Variants in SGF29 observed in about 807,000 individuals in gnomAD.
SGF29 encodes SAGA complex associated factor 29.
SGF29 carries 15 observed loss-of-function variants against 38.1 expected under a neutral mutation model. The ratio of observed to expected loss-of-function variants is 0.39; its 90% confidence interval spans 0.26 to 0.61. The LOEUF (loss-of-function observed/expected upper bound fraction) is 0.61. SGF29 is among the 20% of genes least tolerant of loss of function. The probability of loss-of-function intolerance (pLI) is 0.49; values close to 1 mark genes in which losing one functional copy is unlikely to be tolerated. For missense variants in SGF29, 184 were observed against 394.6 expected (o/e 0.47, Z 4.52); for synonymous variants, 151 against 160.8 (o/e 0.94, Z 0.46).
chr16:28,554,233 AG>A (rs902412744), intron 1 of SGF29, 136 bp downstream of exon 1: 67 of 17,104 alleles, frequency 3.9e-3, no homozygotes, highest in Middle Eastern at 0.033. Flanking sequence ...TCTGGGCGGG[AG>A]GGGGGCGGGG....
chr16:28,587,106 A>T (rs1324758806), intron 4 of SGF29, among the ~76,000 whole-genome samples: 5 of 152,200 alleles, frequency 3.3e-5, no homozygotes, highest in Non-Finnish European at 7.3e-5. Flanking sequence ...TTGGCCTCCC[A>T]AAGTGCTGGG....
At chr16:28,562,466 G>A (rs2046795834) in intron 1 of SGF29, among the ~76,000 whole-genome samples, 1 of 152,056 alleles carries the variant, frequency 6.6e-6, no homozygotes, top group South Asian at 2.1e-4. Flanking sequence ...TCATTTCTTT[G>A]TGGGAAATTA....
At chr16:28,584,621 C>T (rs539538563) in intron 2 of SGF29, among the ~76,000 whole-genome samples, 1 of 152,228 alleles carries the variant, frequency 6.6e-6, no homozygotes, top group East Asian at 1.9e-4. Flanking sequence ...AACTCCGTCT[C>T]TTCTAAAACT....
intron 4 of SGF29, among the ~76,000 whole-genome samples, chr16:28,586,907 G>A (rs2046958683): frequency 6.6e-6 from 1 of 152,120 alleles, no homozygotes; most frequent in African/African-American, 2.4e-5. Context: ...GAGTGGAGTG[G>A]CGTAATCATG....
chr16:28,588,552 C>T, intron 4 of SGF29: 1 of 422,710 alleles, frequency 2.4e-6, no homozygotes. Context: ...AAGACACATA[C>T]TGAAGATTTC....
intron 1 of SGF29, among the ~76,000 whole-genome samples, chr16:28,574,379 C>T (rs564033164): frequency 1.4e-4 from 22 of 152,326 alleles, no homozygotes; most frequent in Non-Finnish European, 4.4e-5. Context: ...GGAAGTTGTA[C>T]GGATGCCCAT....
chr16:28,562,609 A>T (rs2046796365), intron 1 of SGF29, among the ~76,000 whole-genome samples: 3 of 152,074 alleles, frequency 2.0e-5, no homozygotes, highest in African/African-American at 7.2e-5. Flanking sequence ...CAATCCATTA[A>T]GACAGTTCTT....
At chr16:28,564,754 T>TAC (rs1567286151) in intron 1 of SGF29, among the ~76,000 whole-genome samples, 2 of 73,862 alleles carry the variant, frequency 2.7e-5, no homozygotes, top group South Asian at 3.5e-4. Context: ...TGTATATATA[T>TAC]GTATATATGT....
chr16:28,587,609 G>A lies in SGF29; in HGVS notation c.225-1491G>A, dbSNP rs547220596. On this transcript the variant is annotated intron_variant, in intron 4 of 9. Coordinates refer to ENST00000317058, the MANE Select transcript of SGF29 (RefSeq NM_138414.3). ...TGAGGTCCATGAGTCACATGCCCTG[G>A]GGCACCCCCGGACACCTCCCGAGAT... Among the ~76,000 whole-genome samples, 6 of 152,234 alleles carry A rather than the reference G, an allele frequency of 3.9e-5. No individual in the cohort carries two copies. In the South Asian group the frequency reaches 1.2e-3, roughly 32 times the overall value.
At chr16:28,556,964 T>C (rs1209282421) in intron 1 of SGF29, among the ~76,000 whole-genome samples, 1 of 152,206 alleles carries the variant, frequency 6.6e-6, no homozygotes, top group Non-Finnish European at 1.5e-5. Flanking sequence ...TTCTCATTGC[T>C]AGTGACTGGG....
chr16:28,589,747 G>A (rs2046976440), intron 5 of SGF29, among the ~76,000 whole-genome samples: 1 of 152,090 alleles, frequency 6.6e-6, no homozygotes, highest in African/African-American at 2.4e-5. Context: ...TAGAAGAAAA[G>A]TACACATAAG....
chr16:28,575,071 TATC>T (rs960569889), intron 1 of SGF29, among the ~76,000 whole-genome samples: 1 of 152,150 alleles, frequency 6.6e-6, no homozygotes, highest in African/African-American at 2.4e-5. Context: ...ATCTTGATGT[TATC>T]ATACTTCAGT....
intron 2 of SGF29, among the ~76,000 whole-genome samples, chr16:28,582,733 C>A (rs1386320683): frequency 6.6e-6 from 1 of 152,062 alleles, no homozygotes; most frequent in Non-Finnish European, 1.5e-5. Context: ...CACCTGAGGT[C>A]AGGAGTTTGA....
At chr16:28,580,565 AC>A (rs1231411943) in intron 1 of SGF29, among the ~76,000 whole-genome samples, 4 of 152,086 alleles carry the variant, frequency 2.6e-5, no homozygotes, top group Non-Finnish European at 4.4e-5. Flanking sequence ...GATTAAGGGC[AC>A]ACCCTATTCC....
intron 1 of SGF29, among the ~76,000 whole-genome samples, chr16:28,565,758 A>G (rs1732794336): frequency 6.7e-6 from 1 of 149,724 alleles, no homozygotes; most frequent in African/African-American, 2.4e-5. Flanking sequence ...AAGTGCTGGG[A>G]TTACAGACGT....
At chr16:28,573,159 C>T (rs1469284106) in intron 1 of SGF29, among the ~76,000 whole-genome samples, 1 of 152,102 alleles carries the variant, frequency 6.6e-6, no homozygotes, top group Non-Finnish European at 1.5e-5. Context: ...CTGTGACTTT[C>T]TTTTGACGGA....
chr16:28,581,558 C>T (rs960931930), intron 2 of SGF29, among the ~76,000 whole-genome samples: 2 of 151,716 alleles, frequency 1.3e-5, no homozygotes, highest in African/African-American at 2.4e-5. Flanking sequence ...TTTTTGGAGA[C>T]GGAGTCTCAC....
At chr16:28,556,746 T>A (rs2046755035) in intron 1 of SGF29, among the ~76,000 whole-genome samples, 1 of 152,132 alleles carries the variant, frequency 6.6e-6, no homozygotes, top group Non-Finnish European at 1.5e-5. Flanking sequence ...TGGGCTCAAG[T>A]GATCCTCCTG....
At chr16:28,575,657 C>T (rs976239082) in intron 1 of SGF29, among the ~76,000 whole-genome samples, 1 of 152,208 alleles carries the variant, frequency 6.6e-6, no homozygotes, top group African/African-American at 2.4e-5. Flanking sequence ...TGCACTCCAG[C>T]TTGGGTGGCA....
Sources: allele counts gnomAD v4.1 joint callset (sites outside exome capture counted in the v4.1 genomes callset), GRCh38; gene constraint gnomAD v4.1.1; transcripts MANE v1.5; gene names NCBI Gene and HGNC (gene_info 2026-07-23, HGNC 2026-07-21).